The following DAB1 variants were observed in gnomAD, a reference collection of about 807,000 sequenced individuals.
The protein encoded by DAB1 is disabled homolog 1.
A neutral mutation model predicts 64.6 loss-of-function variants in DAB1; 15 were observed. That is an observed-to-expected ratio of 0.23 (90% CI 0.16 to 0.36). The LOEUF (loss-of-function observed/expected upper bound fraction) is 0.36. DAB1 is among the 10% of genes least tolerant of loss of function. The pLI is 1.00. For missense variants in DAB1, 596 were observed against 706.7 expected (o/e 0.84, Z 1.78); for synonymous variants, 235 against 251.9 (o/e 0.93, Z 0.64).
chr1:58,058,787 T>A (rs374182750), intron 5 of DAB1, among the ~76,000 whole-genome samples: 3 of 152,202 alleles, frequency 2.0e-5, no homozygotes, highest in Middle Eastern at 3.2e-3. Context: ...AAATTGCATA[T>A]CTGTTCATGC....
intron 2 of DAB1, among the ~76,000 whole-genome samples, chr1:58,514,671 T>C (rs1057324227): frequency 6.6e-6 from 1 of 152,158 alleles, no homozygotes; most frequent in East Asian, 1.9e-4. Context: ...TACAAAGGAT[T>C]GTGGCAGGGG....
chr1:58,118,565 C>CAT lies in DAB1; in HGVS notation n.387+31944_387+31945dup, dbSNP rs58370609. Reference sequence around the variant, plus strand: ...CATATATATACATATATATAAAATACATATATATATATACATATATATATA... The same window carrying CAT: ...CATATATATACATATATATAAAATACATATATATATATATACATATATATATA... On this transcript the variant is annotated intron_variant and non_coding_transcript_variant, in intron 5 of 20. Coordinates refer to the DAB1 transcript ENST00000485760. 6.0e-3 allele frequency among the ~76,000 whole-genome samples: 561 copies of CAT among 93,846 alleles called. 8 individuals carry two copies. The highest frequency in any genetic ancestry group is 0.022 in the African/African-American group (513 of 23,860). The allele number at this position is 93,846 out of a possible 152,430, so 61.6% of individuals were successfully genotyped here. A position where few individuals can be genotyped will look rare whatever the true frequency, so the allele number is the denominator to read the frequency against.
intron 1 of DAB1, among the ~76,000 whole-genome samples, chr1:57,295,193 T>C (rs1673088973): frequency 6.6e-6 from 1 of 152,138 alleles, no homozygotes; most frequent in Non-Finnish European, 1.5e-5. Context: ...TAAATACCAC[T>C]TTAAAATGGT....
chr1:57,870,789 G>A lies in DAB1; in HGVS notation n.87+13210C>T, dbSNP rs529072518. The stretch of plus-strand genomic sequence containing the variant: ...GGAACAGAAAAGGACACTGGACTAG[G>A]AGACAGAACCATATCGGTTTGTATC... On this transcript the variant is annotated intron_variant and non_coding_transcript_variant, in intron 1 of 1. Coordinates refer to the DAB1 transcript ENST00000477280. 2.0e-5 allele frequency among the ~76,000 whole-genome samples: 3 copies of A among 152,210 alleles called. No homozygotes were observed. The South Asian group carries it at 6.2e-4, about 32-fold the overall frequency.
At chr1:57,868,564 A>T (rs946385439) in intron 1 of DAB1, among the ~76,000 whole-genome samples, 1 of 152,108 alleles carries the variant, frequency 6.6e-6, no homozygotes, top group Non-Finnish European at 1.5e-5. Context: ...TGTGTATTTT[A>T]GGATATTTTA....
chr1:57,032,254 G>A (rs758039673), intron 9 of DAB1, among the ~76,000 whole-genome samples: 17 of 152,094 alleles, frequency 1.1e-4, no homozygotes, highest in Non-Finnish European at 1.9e-4. Context: ...CCTTCAGTGG[G>A]CAGACATGGG....
chr1:57,325,936 T>C (rs1253687336), intron 1 of DAB1, among the ~76,000 whole-genome samples: 2 of 152,198 alleles, frequency 1.3e-5, no homozygotes, highest in Non-Finnish European at 2.9e-5. Context: ...TTGGTTTCCT[T>C]GTTTCACAAA....
At chr1:58,443,371 A>T (rs1482292316) in intron 3 of DAB1, among the ~76,000 whole-genome samples, 4 of 152,242 alleles carry the variant, frequency 2.6e-5, no homozygotes, top group Non-Finnish European at 5.9e-5. Flanking sequence ...AAAAAATATC[A>T]CCTATAATTA....
At chr1:57,011,062 G>A in intron 13 of DAB1, 83 bp downstream of exon 13, 2 of 1,539,586 alleles carry the variant, frequency 1.3e-6, no homozygotes, top group East Asian at 2.3e-5. Context: ...TTCTATGTAG[G>A]CTTCCTCATG....
intron 6 of DAB1, among the ~76,000 whole-genome samples, chr1:57,669,285 CA>C (rs1646483158): frequency 6.6e-6 from 1 of 151,924 alleles, no homozygotes; most frequent in African/African-American, 2.4e-5. Flanking sequence ...TGAATTGCTC[CA>C]AAAAACACAC....
intron 4 of DAB1, among the ~76,000 whole-genome samples, chr1:57,078,414 AC>A (rs1652186619): frequency 6.6e-6 from 1 of 152,192 alleles, no homozygotes; most frequent in South Asian, 2.1e-4. Flanking sequence ...TTTGTATAAT[AC>A]AAAGAATGAT....
intron 3 of DAB1, among the ~76,000 whole-genome samples, chr1:58,436,708 G>A (rs1644949047): frequency 6.6e-6 from 1 of 152,212 alleles, no homozygotes. Context: ...AAGAACGTTT[G>A]TATCCAACTG....
intron 4 of DAB1, among the ~76,000 whole-genome samples, chr1:58,232,618 C>G (rs1303739152): frequency 6.6e-6 from 1 of 152,002 alleles, no homozygotes; most frequent in African/African-American, 2.4e-5. Context: ...AAGATATTGA[C>G]AGTAAAAGGG....
intron 5 of DAB1, among the ~76,000 whole-genome samples, chr1:58,082,613 T>G (rs1200438075): frequency 1.3e-5 from 2 of 151,958 alleles, no homozygotes; most frequent in Non-Finnish European, 2.9e-5. Flanking sequence ...ACAGGAAACT[T>G]TCTGGAGGAA....
chr1:57,707,291 T>C (rs1294275290), intron 6 of DAB1, among the ~76,000 whole-genome samples: 1 of 152,162 alleles, frequency 6.6e-6, no homozygotes, highest in African/African-American at 2.4e-5. Context: ...TTAGATTTTT[T>C]TTTATCCATC....
chr1:57,055,461 A>G (rs577479551), intron 9 of DAB1, among the ~76,000 whole-genome samples: 1 of 152,334 alleles, frequency 6.6e-6, no homozygotes, highest in South Asian at 2.1e-4. Context: ...AGAAGGGTTA[A>G]AACTAGGGCA....
intron 9 of DAB1, among the ~76,000 whole-genome samples, chr1:57,037,308 A>G (rs990933078): frequency 1.3e-5 from 2 of 152,344 alleles, no homozygotes; most frequent in African/African-American, 4.8e-5. Flanking sequence ...GGTGCTTTCC[A>G]CATGTCATGT....
At chr1:57,833,907 T>G (rs1325327928) in intron 1 of DAB1, among the ~76,000 whole-genome samples, 3 of 152,214 alleles carry the variant, frequency 2.0e-5, no homozygotes. Flanking sequence ...AACAATCTGA[T>G]GTGCTTGAAA....
intron 1 of DAB1, among the ~76,000 whole-genome samples, chr1:58,539,950 T>C (rs1339995175): frequency 1.3e-5 from 2 of 152,126 alleles, no homozygotes. Flanking sequence ...GAAATAACTC[T>C]AGAGTTCTGC....
Sources: allele counts gnomAD v4.1 joint callset (sites outside exome capture counted in the v4.1 genomes callset), GRCh38; gene constraint gnomAD v4.1.1; transcripts MANE v1.5; gene names NCBI Gene and HGNC (gene_info 2026-07-23, HGNC 2026-07-21).